Variants in DYNC1H1 observed in about 807,000 individuals in gnomAD.
The protein encoded by DYNC1H1 is cytoplasmic dynein 1 heavy chain 1.
In DYNC1H1, 51 loss-of-function variants were observed where a neutral mutation model predicts 527.1. That is an observed-to-expected ratio of 0.10 (90% confidence interval 0.08 to 0.12). The LOEUF (loss-of-function observed/expected upper bound fraction) is 0.12. Among genes scored for constraint, DYNC1H1 ranks in the 10% least tolerant of loss-of-function variants. The pLI is 1.00. For synonymous variants in DYNC1H1, 2,189 were observed against 2,278.8 expected (o/e 0.96, Z 1.12); for missense variants, 2,771 against 5,971.8 (o/e 0.46, Z 17.66).
chr14:102,000,440 A>C lies in DYNC1H1; in HGVS notation c.4074+41A>C, dbSNP rs895608028. On this transcript the variant is annotated intron_variant, in intron 18 of 77. Coordinates refer to ENST00000360184, the MANE Select transcript of DYNC1H1 (RefSeq NM_001376.5). ...GGTGTTTGTGTACGTCTATTTTAAC[A>C]GTTACAGACTTTATTTAGGAACGTG... The C allele has an allele frequency of 1.9e-6, 3 of 1,591,766 alleles. No homozygotes were observed. The African/African-American group carries it at 4.0e-5, about 21-fold the overall frequency.
At position 101,965,604 on chromosome 14, in the gene DYNC1H1, G is replaced by C. The variant is rs1432655110; in HGVS notation, c.256+657G>C. The stretch of plus-strand genomic sequence containing the variant: ...TGGATGCTCTCACAGCATCCTTGCT[G>C]AACGGGTGTATCCTGATTTTACACC... On this transcript the variant is annotated intron_variant, in intron 1 of 77. Transcript: ENST00000360184. This position sits in a 1 kb window ranked among gnomAD's most constrained non-coding sequence, Gnocchi z 4.1. 1.3e-5 allele frequency among the ~76,000 whole-genome samples: 2 copies of C among 152,082 alleles called. No homozygotes were observed. Among genetic ancestry groups the C allele is most frequent in the Non-Finnish European group, 2.9e-5 (2 of 68,032 alleles).
rs755060365 is a variant in DYNC1H1, at chr14:101,986,771, C to T, written c.2538+8C>T. ...TTCAACTTCCAAGAAAAGGTATGCT[C>T]TCATGTAATCCTCAGGTGTCCTGGT... On this transcript the variant is annotated splice_region_variant and intron_variant, in intron 8 of 77. Coordinates refer to ENST00000360184, the MANE Select transcript of DYNC1H1 (RefSeq NM_001376.5). The surrounding 1 kb of genome is among the most constrained non-coding windows in gnomAD (Gnocchi z 8.7). 16 of 1,613,874 alleles carry T rather than the reference C, an allele frequency of 9.9e-6. No homozygotes were observed. The South Asian group carries it at 1.8e-4, about 18-fold the overall frequency.
intron 1 of DYNC1H1, among the ~76,000 whole-genome samples, chr14:101,969,803 G>T (rs1284402984): frequency 2.0e-5 from 3 of 152,240 alleles, no homozygotes; most frequent in Non-Finnish European, 4.4e-5. Context: ...ACAGCAAAGG[G>T]AAAACAGTTA....
In DYNC1H1 at chr14:102,036,397, A is replaced by T; in HGVS notation, c.10755-92A>T. On this transcript the variant is annotated intron_variant, in intron 56 of 77. Coordinates refer to ENST00000360184, the MANE Select transcript of DYNC1H1 (RefSeq NM_001376.5). The surrounding 1 kb of genome is among the most constrained non-coding windows in gnomAD (Gnocchi z 5.6). ...CTCGGGTGGTGGTAACAGCCTATCA[A>T]TCAGGGTCTCTCATCAGGGACTCGG... The T allele has an allele frequency of 6.4e-7, 1 of 1,563,908 alleles. No homozygotes were observed. Among genetic ancestry groups the T allele is most frequent in the South Asian group, 1.1e-5 (1 of 89,424 alleles).
intron 42 of DYNC1H1, 39 bp from the exon 43 acceptor site, chr14:102,022,712 C>T: frequency 6.2e-7 from 1 of 1,613,684 alleles, no homozygotes; most frequent in Non-Finnish European, 8.5e-7. Context: ...TTCACCGTGC[C>T]CTCTAGTTAC....
chr14:101,987,689 A>G (rs539545894), intron 9 of DYNC1H1, 57 bp downstream of exon 9: 1 of 1,592,502 alleles, frequency 6.3e-7, no homozygotes, highest in Admixed American at 1.7e-5. Flanking sequence ...ACCCTCCAGT[A>G]AGCTTATTAG....
chr14:102,016,760 G>A lies in DYNC1H1; in HGVS notation c.7615-6G>A, dbSNP rs199509691. 1.2e-6 allele frequency: 2 copies of A among 1,613,224 alleles called. No homozygotes were observed. The highest frequency in any genetic ancestry group is 1.7e-6 in the Non-Finnish European group (2 of 1,179,748). On this transcript the variant is annotated splice_region_variant and splice_polypyrimidine_tract_variant and intron_variant, in intron 37 of 77. Coordinates refer to ENST00000360184, the MANE Select transcript of DYNC1H1 (RefSeq NM_001376.5). The surrounding 1 kb of genome is among the most constrained non-coding windows in gnomAD (Gnocchi z 7.3). ...GCCGGACTCACACTTCCATCTCCGTGTGTAGGTGTCCATCAGCGGAGAATG... is the reference window on the plus strand; with the variant it reads ...GCCGGACTCACACTTCCATCTCCGTATGTAGGTGTCCATCAGCGGAGAATG...
chr14:102,017,875 A>T lies in DYNC1H1; in HGVS notation c.8177+371A>T, dbSNP rs17541207. On this transcript the variant is annotated intron_variant, in intron 40 of 77. Coordinates refer to ENST00000360184, the MANE Select transcript of DYNC1H1 (RefSeq NM_001376.5). The surrounding 1 kb of genome is among the most constrained non-coding windows in gnomAD (Gnocchi z 4.6). ...TAATCCCAGCACTTTGGGAGGCCGA[A>T]GCGGGCAGATCACGAGGTCAGGAGG... The T allele has an allele frequency of 6.2e-3, 2,085 of 338,760 alleles. 39 individuals carry two copies. Among genetic ancestry groups the T allele is most frequent in the East Asian group, 0.035 (453 of 12,892 alleles). 21.0% of individuals were successfully genotyped at this position (338,760 alleles called of 1,614,324 possible).
At chr14:102,000,695 C>T (rs1200935854) in intron 18 of DYNC1H1, 1 of 507,678 alleles carries the variant, frequency 2.0e-6, no homozygotes, top group Non-Finnish European at 3.6e-6. Flanking sequence ...CTGCCTCAGC[C>T]TCCCTAGTAG....
rs78887218 is a variant in DYNC1H1 at position 101,970,847 on chromosome 14, C to T, written c.257-4865C>T. 5.5e-3 allele frequency among the ~76,000 whole-genome samples: 836 copies of T among 152,094 alleles called. 17 individuals are homozygous for T. The highest frequency in any genetic ancestry group is 0.037 in the East Asian group (189 of 5,168). ...AAGAGAACCCCAGGAACATTTAACA[C>T]GTAATTTGGTAGTGTATGCGGGCCA... On this transcript the variant is annotated intron_variant, in intron 1 of 77. Coordinates refer to ENST00000360184, the MANE Select transcript of DYNC1H1 (RefSeq NM_001376.5).
At position 102,001,868 on chromosome 14, in the gene DYNC1H1, G is replaced by A. The variant is rs1485687231; in HGVS notation, c.4542+187G>A. On this transcript the variant is annotated intron_variant, in intron 21 of 77. Transcript: ENST00000360184. This position sits in a 1 kb window ranked among gnomAD's most constrained non-coding sequence, Gnocchi z 5.0. ...CTCACTGCTGCAGCCTTGACTTCCT[G>A]GGCTCAAGTGATCTTCCCACCTCAG... 6.6e-6 allele frequency among the ~76,000 whole-genome samples: 1 copy of A among 152,046 alleles called. No individual in the cohort carries two copies. The highest frequency in any genetic ancestry group is 1.5e-5 in the Non-Finnish European group (1 of 68,008).
rs2048454294 is a variant in DYNC1H1, at chr14:102,026,591, C to A, written c.8655C>A (p.Asp2885Glu). The change falls in exon 44 of 78, where the codon GAC (aspartate) becomes GAA (glutamate). Residue 2885 changes from aspartate (D) to glutamate (E), a missense_variant. This residue lies in a region of DYNC1H1 where 84 missense variants were observed against 285.4 expected (regional missense o/e 0.29). Coordinates refer to ENST00000360184, the MANE Select transcript of DYNC1H1 (RefSeq NM_001376.5). ...TTCTATAGGATTACATCCCAGTAGA[C>A]CAAGAAGAGTTAAGAGATTATGTCA... ...NWLSKDYIPV[D>E]QEELRDYVKA... 1 of 1,613,972 alleles carries A rather than the reference C, an allele frequency of 6.2e-7. No individual in the cohort carries two copies. Among genetic ancestry groups the A allele is most frequent in the African/African-American group, 1.3e-5 (1 of 74,932 alleles).
rs760876077 is a variant in DYNC1H1, at chr14:102,039,183, G to A, written c.11389G>A (p.Val3797Met). Residue 3797 changes from valine (V) to methionine (M), a missense_variant, in exon 60 of 78, where the codon GTG becomes ATG. Coordinates refer to ENST00000360184, the MANE Select transcript of DYNC1H1 (RefSeq NM_001376.5). This position sits in a 1 kb window ranked among gnomAD's most constrained non-coding sequence, Gnocchi z 7.0. ...CATTGTCATGCAGGAGGTGGAGACC[G>A]TGTCCCAGCAGTACCTCCCGCTCTC... The part of the protein sequence containing the change: ...TDIVMQEVET[V>M]SQQYLPLSTA... The A allele has an allele frequency of 1.9e-6, 3 of 1,614,150 alleles. No individual in the cohort carries two copies. The highest frequency in any genetic ancestry group is 1.7e-5 in the Admixed American group (1 of 60,014).
In DYNC1H1 at chr14:102,027,852, G is replaced by A. The variant is rs1287779485; in HGVS notation, c.9263+19G>A. On this transcript the variant is annotated intron_variant, in intron 47 of 77. Coordinates refer to ENST00000360184, the MANE Select transcript of DYNC1H1 (RefSeq NM_001376.5). This position sits in a 1 kb window ranked among gnomAD's most constrained non-coding sequence, Gnocchi z 7.7. ...TCAACAGGTACGTGGGCCTTTACTT[G>A]GCTCTGGGTCAGGAAAGTCGGTGTC... 1.2e-6 allele frequency: 2 copies of A among 1,614,036 alleles called. No homozygotes were observed. The highest frequency in any genetic ancestry group is 1.7e-6 in the Non-Finnish European group (2 of 1,180,048).
chr14:102,029,446 A>G lies in DYNC1H1; in HGVS notation c.9469-93A>G, dbSNP rs895277822. On this transcript the variant is annotated intron_variant, in intron 48 of 77. Coordinates refer to ENST00000360184, the MANE Select transcript of DYNC1H1 (RefSeq NM_001376.5). This position sits in a 1 kb window ranked among gnomAD's most constrained non-coding sequence, Gnocchi z 5.3. ...CCCCGAGGGCCAGGCTCCTTCTATC[A>G]TGTCACACCCATCTGCCAAGGCCAA... is the stretch of plus-strand genomic sequence containing the variant. 130 of 1,556,982 alleles carry G rather than the reference A, an allele frequency of 8.3e-5. No individual in the cohort carries two copies. The highest frequency in any genetic ancestry group is 1.0e-4 in the Non-Finnish European group (117 of 1,137,788).
chr14:102,010,112 T>A lies in DYNC1H1; in HGVS notation c.6221+26T>A, dbSNP rs780733107. 3.1e-6 allele frequency: 5 copies of A among 1,613,368 alleles called. No homozygotes were observed. In the Admixed American group the frequency reaches 5.0e-5, roughly 16 times the overall value. On this transcript the variant is annotated intron_variant, in intron 30 of 77. Transcript: ENST00000360184. The surrounding 1 kb of genome is among the most constrained non-coding windows in gnomAD (Gnocchi z 6.0). Reference sequence around the variant, plus strand: ...GTAAGTAGCCTAGAATTCTTCATAATCATGTTTCTTGCATATGTTAAATGT... The same window carrying A: ...GTAAGTAGCCTAGAATTCTTCATAAACATGTTTCTTGCATATGTTAAATGT...
intron 41 of DYNC1H1, 77 bp from the exon 42 acceptor site, chr14:102,019,816 G>A (rs2048364983): frequency 6.4e-7 from 1 of 1,569,254 alleles, no homozygotes; most frequent in South Asian, 1.1e-5. Flanking sequence ...AACATGTTTT[G>A]CCACATTTTA....
rs373495779 is a variant in DYNC1H1 at position 102,042,531 on chromosome 14, C to T, written c.12399+24C>T. The T allele has an allele frequency of 2.4e-5, 38 of 1,613,926 alleles. No individual in the cohort carries two copies. Among genetic ancestry groups the T allele is most frequent in the African/African-American group, 1.5e-4 (11 of 74,944 alleles). ...AGGTGGGTGGTTGAAGGAGTGGAGA[C>T]GTTGCAGGCTGGCCTGGCACTGTGC... On this transcript the variant is annotated intron_variant, in intron 68 of 77. Coordinates refer to ENST00000360184, the MANE Select transcript of DYNC1H1 (RefSeq NM_001376.5). This position sits in a 1 kb window ranked among gnomAD's most constrained non-coding sequence, Gnocchi z 5.7.
chr14:101,990,153 A>G (rs146599288), intron 10 of DYNC1H1, among the ~76,000 whole-genome samples: 34 of 152,312 alleles, frequency 2.2e-4, no homozygotes, highest in Admixed American at 7.2e-4. Flanking sequence ...TTGTTAAGCA[A>G]CACATGACTA....
Sources: allele counts gnomAD v4.1 joint callset (sites outside exome capture counted in the v4.1 genomes callset), GRCh38; gene constraint gnomAD v4.1.1; regional missense constraint gnomAD v4.1.1; non-coding constraint Gnocchi (gnomAD v3.1); transcripts MANE v1.5; gene names NCBI Gene and HGNC (gene_info 2026-07-23, HGNC 2026-07-21).